Variants in ALK observed in about 807,000 individuals in gnomAD.
The protein encoded by ALK is ALK tyrosine kinase receptor.
ALK carries 74 observed loss-of-function variants against 163.1 expected under a neutral mutation model. The observed-to-expected ratio is 0.45, with a 90% confidence interval of 0.38 to 0.55. The LOEUF (loss-of-function observed/expected upper bound fraction) is 0.55, where lower values mean the gene tolerates loss of function less well. Ranked by LOEUF, ALK falls within the 20% of genes least tolerant of loss-of-function variation. The pLI is 0.00. For missense variants in ALK, 2,063 were observed against 2,105.3 expected (o/e 0.98, Z 0.39); for synonymous variants, 960 against 843.2 (o/e 1.14, Z -2.40).
At chr2:29,886,022 C>T (rs1666976588) in intron 1 of ALK, among the ~76,000 whole-genome samples, 1 of 152,166 alleles carries the variant, frequency 6.6e-6, no homozygotes, top group African/African-American at 2.4e-5. Context: ...GATAGCAAGA[C>T]CAACCCACCC....
intron 1 of ALK, among the ~76,000 whole-genome samples, chr2:29,793,672 T>C (rs1664240490): frequency 1.3e-5 from 2 of 152,138 alleles, no homozygotes; most frequent in Admixed American, 1.3e-4. Flanking sequence ...CCATCAGAGC[T>C]CTCCAGTGAT....
At chr2:29,762,422 G>C (rs1267246502) in intron 1 of ALK, among the ~76,000 whole-genome samples, 1 of 152,172 alleles carries the variant, frequency 6.6e-6, no homozygotes. Flanking sequence ...TTACAGAGGG[G>C]AGGTTATTTT....
At chr2:29,383,220 T>C (rs890859851) in intron 5 of ALK, among the ~76,000 whole-genome samples, 1 of 152,160 alleles carries the variant, frequency 6.6e-6, no homozygotes, top group East Asian at 1.9e-4. Flanking sequence ...TGCCTATGTG[T>C]TCTCAAGGTA....
At chr2:29,285,119 G>C (rs1389998202) in intron 9 of ALK, among the ~76,000 whole-genome samples, 1 of 152,224 alleles carries the variant, frequency 6.6e-6, no homozygotes, top group Admixed American at 6.5e-5. Flanking sequence ...TTCTCCTCCA[G>C]GTTCTTTCTT....
intron 4 of ALK, among the ~76,000 whole-genome samples, chr2:29,510,777 C>A (rs931210704): frequency 6.6e-6 from 1 of 152,118 alleles, no homozygotes; most frequent in African/African-American, 2.4e-5. Context: ...ATTTTGTGGT[C>A]TAGACAGTTT....
chr2:29,224,470 C>A (rs1468265255), intron 19 of ALK: 6 of 228,300 alleles, frequency 2.6e-5, no homozygotes, highest in Admixed American at 1.7e-4. Flanking sequence ...AAGAGCTCTA[C>A]CAATGTGAGT....
chr2:29,618,402 G>C (rs2148226965), intron 3 of ALK, among the ~76,000 whole-genome samples: 1 of 151,828 alleles, frequency 6.6e-6, no homozygotes, highest in South Asian at 2.1e-4. Context: ...GTTGTCATCA[G>C]TTTGTCATTT....
chr2:29,228,619 G>T (rs1664084757), intron 16 of ALK, among the ~76,000 whole-genome samples: 1 of 152,066 alleles, frequency 6.6e-6, no homozygotes, highest in Admixed American at 6.5e-5. Context: ...GCAAGCCAAA[G>T]CCTCTTTATC....
intron 3 of ALK, among the ~76,000 whole-genome samples, chr2:29,549,940 C>G (rs1036503542): frequency 4.6e-5 from 7 of 152,112 alleles, no homozygotes; most frequent in Admixed American, 6.5e-5. Context: ...ATTAGCACTA[C>G]TTTAAGGATT....
At chr2:29,770,705 G>A (rs1680995388) in intron 1 of ALK, among the ~76,000 whole-genome samples, 1 of 152,158 alleles carries the variant, frequency 6.6e-6, no homozygotes, top group Admixed American at 6.5e-5. Flanking sequence ...AAAGATTATA[G>A]TAGAAATGGG....
At chr2:29,791,769 A>C (rs986293417) in intron 1 of ALK, among the ~76,000 whole-genome samples, 1 of 152,092 alleles carries the variant, frequency 6.6e-6, no homozygotes, top group African/African-American at 2.4e-5. Flanking sequence ...TTATTGACTT[A>C]CTTTCAACTA....
At chr2:29,356,642 C>T (rs181727674) in intron 5 of ALK, among the ~76,000 whole-genome samples, 1 of 152,316 alleles carries the variant, frequency 6.6e-6, no homozygotes, top group African/African-American at 2.4e-5. Context: ...TCAGAAACCT[C>T]AAACTTGTTC....
intron 1 of ALK, among the ~76,000 whole-genome samples, chr2:29,795,425 G>T (rs563808615): frequency 5.3e-5 from 8 of 152,052 alleles, no homozygotes; most frequent in Non-Finnish European, 1.2e-4. Context: ...AATATAGATC[G>T]CCTTTACAAT....
chr2:29,672,420 T>C (rs1024136315), intron 3 of ALK, among the ~76,000 whole-genome samples: 1 of 150,186 alleles, frequency 6.7e-6, no homozygotes, highest in Admixed American at 6.7e-5. Flanking sequence ...AGTGAGAATA[T>C]GCGGTGTTTG....
intron 1 of ALK, chr2:29,892,242 G>T (rs2148425555): frequency 6.6e-6 from 1 of 152,268 alleles, no homozygotes; most frequent in Admixed American, 6.5e-5. Flanking sequence ...AGAATATTCA[G>T]CTCACATAGG....
chr2:29,423,002 G>A (rs1573340754), intron 4 of ALK, among the ~76,000 whole-genome samples: 2 of 151,636 alleles, frequency 1.3e-5, no homozygotes, highest in African/African-American at 4.9e-5. Flanking sequence ...GGGGAGATGA[G>A]CGTGGGTAAG....
intron 1 of ALK, chr2:29,899,543 AG>A (rs1304975689): frequency 2.0e-5 from 3 of 152,182 alleles, no homozygotes; most frequent in Non-Finnish European, 4.4e-5. Context: ...CCACACCCCT[AG>A]GGCTGGGCAC....
rs376175333 is a variant in ALK at position 29,251,182 on chromosome 2, G to T, written c.2127C>A (p.Asn709Lys). ...CCTCGCTCCCCACCTCCACGCTCAG[G>T]TTGGAGTTCTGGTAGGCGTTGTTGC... Reference protein sequence around the residue: ...AQCNNAYQNSNLSVEVGSEGP... With the variant: ...AQCNNAYQNSKLSVEVGSEGP... The change falls in exon 12 of 29, where the codon AAC becomes AAA. Residue 709 changes from asparagine to lysine, a missense_variant. Around this residue, in one of 5 missense-constraint regions of ALK, gnomAD observed 987 missense variants for 939.5 expected, o/e 1.05. Transcript: ENST00000389048. The T allele has an allele frequency of 5.1e-4, 817 of 1,614,172 alleles. 10 individuals carry two copies. The South Asian group carries it at 8.5e-3, about 17-fold the overall frequency.
rs562694314 is a variant in ALK, at chr2:29,599,559, T to C, written c.953-67443A>G. On this transcript the variant is annotated intron_variant, in intron 3 of 28. Transcript: ENST00000389048. ...TGACCAGGGCTTTGTTTGCAGGGCC[T>C]GCAGTACAATGCAGATTTTCAGGGA... 1.4e-3 allele frequency among the ~76,000 whole-genome samples: 219 copies of C among 152,330 alleles called. 1 individual carries two copies. Among genetic ancestry groups the C allele is most frequent in the Non-Finnish European group, 2.6e-3 (174 of 68,022 alleles).
Sources: allele counts gnomAD v4.1 joint callset (sites outside exome capture counted in the v4.1 genomes callset), GRCh38; gene constraint gnomAD v4.1.1; regional missense constraint gnomAD v4.1.1; transcripts MANE v1.5; gene names NCBI Gene and HGNC (gene_info 2026-07-23, HGNC 2026-07-21).